The following UGP2 variants were observed in gnomAD, a reference collection of about 807,000 sequenced individuals.
UGP2 encodes UDP-glucose pyrophosphorylase 2.
UGP2 carries 40 observed loss-of-function variants against 49.0 expected under a neutral mutation model. The ratio of observed to expected loss-of-function variants is 0.82; its 90% confidence interval spans 0.63 to 1.06. The LOEUF (loss-of-function observed/expected upper bound fraction) is 1.06. Among genes scored for constraint, UGP2 ranks in the 50% least tolerant of loss-of-function variants. UGP2 has a pLI of 0.00. For synonymous variants in UGP2, 225 were observed against 213.0 expected (o/e 1.06, Z -0.49); for missense variants, 460 against 603.5 (o/e 0.76, Z 2.49).
At chr2:63,865,934 A>T (rs542628068) in intron 3 of UGP2, among the ~76,000 whole-genome samples, 2 of 152,278 alleles carry the variant, frequency 1.3e-5, no homozygotes, top group African/African-American at 2.4e-5. Flanking sequence ...CATGCTAGTT[A>T]TCTTGGTTAT....
intron 3 of UGP2, among the ~76,000 whole-genome samples, chr2:63,865,823 C>G (rs945501629): frequency 1.3e-5 from 2 of 152,058 alleles, no homozygotes; most frequent in Non-Finnish European, 2.9e-5. Context: ...GTGTGAGTGA[C>G]CTCACCTGGC....
chr2:63,867,774 TAGA>T (rs1670278355), intron 3 of UGP2, among the ~76,000 whole-genome samples: 3 of 152,362 alleles, frequency 2.0e-5, no homozygotes, highest in Middle Eastern at 3.4e-3. Context: ...TCCTATCAAG[TAGA>T]AGAACCATAT....
At chr2:63,842,422 G>A (rs1482261887) in intron 1 of UGP2, 3 of 1,568,880 alleles carry the variant, frequency 1.9e-6, no homozygotes, top group Non-Finnish European at 2.6e-6. Context: ...GTTTAGTTTT[G>A]CCTCCCTGAA....
At chr2:63,862,084 A>G (rs190424380) in intron 3 of UGP2, among the ~76,000 whole-genome samples, 2 of 152,078 alleles carry the variant, frequency 1.3e-5, no homozygotes, top group Non-Finnish European at 2.9e-5. Context: ...AGCATCTGAT[A>G]TAGTATGCCA....
chr2:63,881,845 T>C (rs1343088618), intron 3 of UGP2, among the ~76,000 whole-genome samples: 1 of 152,220 alleles, frequency 6.6e-6, no homozygotes, highest in East Asian at 1.9e-4. Context: ...CAGTATTGGC[T>C]TTTATATGGT....
intron 3 of UGP2, among the ~76,000 whole-genome samples, chr2:63,865,171 G>A (rs1670094801): frequency 1.3e-5 from 2 of 152,118 alleles, no homozygotes; most frequent in Middle Eastern, 3.2e-3. Flanking sequence ...TATTGGGAAT[G>A]CAAAAATAAA....
At chr2:63,866,052 T>C (rs1417999480) in intron 3 of UGP2, among the ~76,000 whole-genome samples, 1 of 151,900 alleles carries the variant, frequency 6.6e-6, no homozygotes, top group African/African-American at 2.4e-5. Context: ...TAAAGAGTAA[T>C]AGCAAAAAAA....
rs1412985807 is a variant in UGP2 at position 63,891,103 on chromosome 2, T to C, written c.1420-17T>C. 14 of 1,601,790 alleles carry C rather than the reference T, an allele frequency of 8.7e-6. No homozygotes were observed. The highest frequency in any genetic ancestry group is 1.1e-5 in the Non-Finnish European group (13 of 1,170,798). ...TTTCAGTTGCAAGTACACTCTTTTG[T>C]TTTCCCTGTCACTTAGGGAACGGTT... is the stretch of plus-strand genomic sequence containing the variant. On this transcript the variant is annotated splice_polypyrimidine_tract_variant and intron_variant, in intron 9 of 9. Coordinates refer to ENST00000337130, the MANE Select transcript of UGP2 (RefSeq NM_006759.4).
chr2:63,844,145 G>C (rs985546946), intron 1 of UGP2, among the ~76,000 whole-genome samples: 6 of 152,140 alleles, frequency 3.9e-5, no homozygotes, highest in African/African-American at 1.4e-4. Flanking sequence ...AAAATTTTTT[G>C]ACATGAATGT....
At chr2:63,871,635 G>T (rs1220733211) in intron 3 of UGP2, among the ~76,000 whole-genome samples, 1 of 152,212 alleles carries the variant, frequency 6.6e-6, no homozygotes. Flanking sequence ...TTTGAAAATT[G>T]CCTGATTTCT....
At chr2:63,866,293 T>C (rs1330079402) in intron 3 of UGP2, among the ~76,000 whole-genome samples, 1 of 152,236 alleles carries the variant, frequency 6.6e-6, no homozygotes, top group Non-Finnish European at 1.5e-5. Context: ...CCCTGGTGAA[T>C]GAATGTAGAC....
At chr2:63,844,681 C>G (rs6546031) in intron 1 of UGP2, among the ~76,000 whole-genome samples, 102,880 of 152,034 alleles carry the variant, frequency 0.68, 35,532 homozygotes, top group East Asian at 0.84. Context: ...CCCACCTCAG[C>G]CCCCTGAGTA....
At chr2:63,882,753 C>A in intron 4 of UGP2, 102 bp downstream of exon 4, 2 of 1,237,120 alleles carry the variant, frequency 1.6e-6, no homozygotes, top group Non-Finnish European at 2.2e-6. Context: ...TTGAGCTAAC[C>A]AAAGAGCCTG....
Position 63,855,789 on chromosome 2 carries a change from C to A in UGP2, c.20-517C>A, listed in dbSNP as rs369082791. On this transcript the variant is annotated intron_variant, in intron 1 of 9. Transcript: ENST00000337130. Reference sequence around the variant, plus strand: ...ACTCCTGGGCTCCAGGGTCTACCCGCCTCAGCCTCCCACAGTGTTGGGATT... The same window carrying A: ...ACTCCTGGGCTCCAGGGTCTACCCGACTCAGCCTCCCACAGTGTTGGGATT... 225 of 304,364 alleles carry A rather than the reference C, an allele frequency of 7.4e-4. 5 individuals carry two copies. The highest frequency in any genetic ancestry group is 5.6e-3 in the South Asian group (225 of 40,240). 18.9% of individuals were successfully genotyped at this position (304,364 alleles called of 1,614,324 possible).
intron 1 of UGP2, among the ~76,000 whole-genome samples, chr2:63,852,038 T>G (rs563445673): frequency 6.6e-6 from 1 of 152,190 alleles, no homozygotes; most frequent in East Asian, 1.9e-4. Flanking sequence ...GATTATACCC[T>G]TATGGCTTAC....
At chr2:63,880,847 T>A (rs1007208044) in intron 3 of UGP2, among the ~76,000 whole-genome samples, 2 of 152,170 alleles carry the variant, frequency 1.3e-5, no homozygotes, top group African/African-American at 4.8e-5. Flanking sequence ...CTCTTCCTTG[T>A]CATTTCACAT....
chr2:63,849,706 T>C (rs2104253824), intron 1 of UGP2, among the ~76,000 whole-genome samples: 1 of 152,312 alleles, frequency 6.6e-6, no homozygotes. Context: ...GTAAATACAC[T>C]GTAACTGAGA....
chr2:63,890,417 A>G (rs1331887305), intron 9 of UGP2, among the ~76,000 whole-genome samples: 11 of 152,228 alleles, frequency 7.2e-5, no homozygotes, highest in African/African-American at 2.7e-4. Context: ...TGTACTGAAT[A>G]TAACCTATTA....
In UGP2 at chr2:63,890,201, G is replaced by C. The variant is rs1334177589; in HGVS notation, c.1419+16G>C. 1 of 1,560,328 alleles carries C rather than the reference G, an allele frequency of 6.4e-7. No individual in the cohort carries two copies. The highest frequency in any genetic ancestry group is 2.3e-5 in the East Asian group (1 of 44,402). ...TTCATTAAAGGTATGTTGTTACAAT[G>C]AAAATTATATTTCTTACAGCTTACA... On this transcript the variant is annotated intron_variant, in intron 9 of 9. Transcript: ENST00000337130.
Sources: gnomAD v4.1 joint callset for allele counts (sites outside exome capture counted in the v4.1 genomes callset) on GRCh38, gnomAD v4.1.1 for gene constraint, MANE v1.5 for transcripts, NCBI Gene and HGNC (gene_info 2026-07-23, HGNC 2026-07-21) for gene names.